THBS4: variants seen among roughly 807,000 people sequenced by gnomAD.
The protein encoded by THBS4 is thrombospondin-4.
A neutral mutation model predicts 115.7 loss-of-function variants in THBS4; 90 were observed. That is an observed-to-expected ratio of 0.78 (90% CI 0.66 to 0.93). The LOEUF is 0.93. Among genes scored for constraint, THBS4 ranks in the 40% least tolerant of loss-of-function variants. The probability of loss-of-function intolerance (pLI) is 0.00; values close to 1 mark genes in which losing one functional copy is unlikely to be tolerated. For missense variants in THBS4, 1,087 were observed against 1,232.7 expected, an observed-to-expected ratio of 0.88 and a Z score of 1.77; for synonymous variants, 460 against 479.3, an observed-to-expected ratio of 0.96 and a Z score of 0.53.
intron 1 of THBS4, among the ~76,000 whole-genome samples, chr5:79,996,052 G>A (rs1051746960): frequency 2.0e-5 from 3 of 151,902 alleles, no homozygotes; most frequent in Non-Finnish European, 2.9e-5. Context: ...CAAGACAGTC[G>A]CTTGAACCCA....
chr5:80,025,890 G>A (rs533146596), intron 2 of THBS4, among the ~76,000 whole-genome samples: 38 of 152,152 alleles, frequency 2.5e-4, no homozygotes, highest in Non-Finnish European at 4.6e-4. Context: ...AAATGTGGTA[G>A]CCAAAATAAT....
intron 2 of THBS4, among the ~76,000 whole-genome samples, chr5:80,018,808 C>G (rs1832303322): frequency 6.6e-6 from 1 of 152,098 alleles, no homozygotes; most frequent in Non-Finnish European, 1.5e-5. Flanking sequence ...TCTGATATTT[C>G]TAGTATCTGC....
At chr5:80,051,984 G>A (rs1420421495) in intron 2 of THBS4, among the ~76,000 whole-genome samples, 2 of 152,198 alleles carry the variant, frequency 1.3e-5, no homozygotes, top group Non-Finnish European at 2.9e-5. Context: ...TGTATGCTCT[G>A]AAACAGTTAA....
At chr5:80,066,784 G>A (rs1481346838) in intron 9 of THBS4, 1 of 152,146 alleles carries the variant, frequency 6.6e-6, no homozygotes, top group Non-Finnish European at 1.5e-5. Context: ...AGATCTTGGT[G>A]TAAAGGTAAT....
At chr5:80,066,510 C>G (rs1244852919) in intron 9 of THBS4, 1 of 152,144 alleles carries the variant, frequency 6.6e-6, no homozygotes, top group East Asian at 1.9e-4. Flanking sequence ...GAGGCTGAGG[C>G]CGAAGGATCA....
At position 80,070,731 on chromosome 5, in the gene THBS4, A is replaced by G; in HGVS notation, c.1541A>G (p.Asp514Gly). ...GCTTGTGACGAGGATGCTGACGGAG[A>G]TGGGATCCTGAATGAGCAGGTACCT... is the stretch of plus-strand genomic sequence containing the variant. ...GDACDEDADG[D>G]GILNEQDNCV... The change falls in exon 12 of 22, where the codon GAT becomes GGT. Residue 514 changes from aspartate (D) to glycine (G), a missense_variant. By Grantham distance (94) the Asp-to-Gly change is moderately conservative. This residue lies in a region of THBS4 where 979 missense variants were observed against 1,103.7 expected (regional missense o/e 0.89). Transcript: ENST00000350881. 2 of 1,614,146 alleles carry G rather than the reference A, an allele frequency of 1.2e-6. No individual in the cohort carries two copies. Among genetic ancestry groups the G allele is most frequent in the East Asian group, 2.2e-5 (1 of 44,886 alleles).
intron 2 of THBS4, among the ~76,000 whole-genome samples, chr5:80,046,453 G>T (rs370626176): frequency 4.7e-4 from 72 of 152,282 alleles, no homozygotes; most frequent in African/African-American, 1.6e-3. Context: ...AGAAGGGAAG[G>T]GTGGATTCTG....
In THBS4 at chr5:80,070,568, T is replaced by C. The variant is rs1834004532; in HGVS notation, c.1453-75T>C. The C allele has an allele frequency of 6.9e-5, 100 of 1,451,668 alleles. 1 individual carries two copies. In the South Asian group the frequency reaches 1.1e-3, roughly 17 times the overall value. 89.9% of individuals were successfully genotyped at this position (1,451,668 alleles called of 1,614,324 possible). On this transcript the variant is annotated intron_variant, in intron 11 of 21. Transcript: ENST00000350881. ...ACAGCCACCAACAATAAAGCCACAG[T>C]GTCTTGAGGTCAGAAACAGTTACTG...
At chr5:80,012,310 A>G (rs1166099676) in intron 2 of THBS4, among the ~76,000 whole-genome samples, 1 of 152,212 alleles carries the variant, frequency 6.6e-6, no homozygotes, top group Non-Finnish European at 1.5e-5. Flanking sequence ...GCATAAGATT[A>G]TCAGTAGCCT....
At position 80,078,180 on chromosome 5, in the gene THBS4, C is replaced by T. The variant is rs368569229; in HGVS notation, c.2218C>T (p.Pro740Ser). The T allele has an allele frequency of 6.2e-7, 1 of 1,608,278 alleles. No individual in the cohort carries two copies. Among genetic ancestry groups the T allele is most frequent in the Non-Finnish European group, 8.5e-7 (1 of 1,176,188 alleles). The change falls in exon 17 of 22, where the codon CCT (proline) becomes TCT (serine). Residue 740 changes from proline to serine, a missense_variant. By Grantham distance (74) the Pro-to-Ser change is moderately conservative. Transcript: ENST00000350881. Reference sequence around the variant, plus strand: ...GGCTTACCAGACCGTGGTCCTGGATCCTGAAGGGGATGCCCAGATCGATCC... The same window carrying T: ...GGCTTACCAGACCGTGGTCCTGGATTCTGAAGGGGATGCCCAGATCGATCC... ...FRAYQTVVLD[P>S]EGDAQIDPNW...
intron 2 of THBS4, among the ~76,000 whole-genome samples, chr5:80,047,745 T>A (rs986515665): frequency 1.3e-5 from 2 of 151,222 alleles, no homozygotes; most frequent in Non-Finnish European, 2.9e-5. Flanking sequence ...GCGATTCTCC[T>A]GCCTCAGCCT....
intron 14 of THBS4, 45 bp downstream of exon 14, chr5:80,072,441 T>A: frequency 4.5e-6 from 7 of 1,539,666 alleles, no homozygotes; most frequent in Non-Finnish European, 6.3e-6. Context: ...TGAATTCCTC[T>A]ATGCAAAGAC....
chr5:80,072,464 G>A, intron 14 of THBS4, 68 bp downstream of exon 14: 4 of 1,425,754 alleles, frequency 2.8e-6, no homozygotes, highest in African/African-American at 1.4e-5. Context: ...ATTTAAGACG[G>A]GTGTCTAGAA....
At chr5:80,010,224 A>G (rs2151153976) in intron 2 of THBS4, among the ~76,000 whole-genome samples, 1 of 152,346 alleles carries the variant, frequency 6.6e-6, no homozygotes, top group South Asian at 2.1e-4. Context: ...GCAGTCTACA[A>G]GGTCCTAAAT....
intron 2 of THBS4, among the ~76,000 whole-genome samples, chr5:80,003,350 G>A (rs1831943119): frequency 6.6e-6 from 1 of 152,172 alleles, no homozygotes; most frequent in Admixed American, 6.5e-5. Flanking sequence ...GGCAGAGGAT[G>A]AGAAGAAGAG....
intron 12 of THBS4, 74 bp from the exon 13 acceptor site, chr5:80,070,947 G>A: frequency 6.3e-7 from 1 of 1,599,140 alleles, no homozygotes; most frequent in Non-Finnish European, 8.5e-7. Context: ...CCACCAGAGT[G>A]CTGATGCTTC....
At chr5:80,046,553 G>A (rs1833071869) in intron 2 of THBS4, among the ~76,000 whole-genome samples, 1 of 151,910 alleles carries the variant, frequency 6.6e-6, no homozygotes, top group African/African-American at 2.4e-5. Context: ...AAGAAATCTG[G>A]GATTTTTTCT....
intron 2 of THBS4, among the ~76,000 whole-genome samples, chr5:80,050,519 A>C (rs74706655): frequency 1.2e-3 from 184 of 152,238 alleles, no homozygotes; most frequent in African/African-American, 4.3e-3. Flanking sequence ...AAAATATCTC[A>C]AGCACTGATG....
intron 7 of THBS4, among the ~76,000 whole-genome samples, chr5:80,060,861 C>T (rs555812719): frequency 6.6e-6 from 1 of 152,324 alleles, no homozygotes; most frequent in East Asian, 1.9e-4. Context: ...ATGTGCCTTT[C>T]TCCTCCCACC....
Sources: allele counts gnomAD v4.1 joint callset (sites outside exome capture counted in the v4.1 genomes callset), GRCh38; gene constraint gnomAD v4.1.1; regional missense constraint gnomAD v4.1.1; transcripts MANE v1.5; gene names NCBI Gene and HGNC (gene_info 2026-07-23, HGNC 2026-07-21).